Variants in SLC4A4 observed in about 807,000 individuals in gnomAD.
SLC4A4 encodes solute carrier family 4 member 4.
SLC4A4 carries 27 observed loss-of-function variants against 111.5 expected under a neutral mutation model. The observed-to-expected ratio is 0.24, with a 90% CI of 0.18 to 0.33. The LOEUF (loss-of-function observed/expected upper bound fraction) is 0.33, where lower values mean the gene tolerates loss of function less well. SLC4A4 is among the 10% of genes least tolerant of loss of function. The pLI, the probability that SLC4A4 is intolerant of heterozygous loss-of-function variation, is 1.00. For missense variants in SLC4A4, 909 were observed against 1,315.5 expected (o/e 0.69, Z 4.78); for synonymous variants, 443 against 463.4 (o/e 0.96, Z 0.57).
intron 18 of SLC4A4, among the ~76,000 whole-genome samples, chr4:71,536,457 C>CATACATATATATATAT (rs1553928530): frequency 9.6e-5 from 3 of 31,406 alleles, no homozygotes; most frequent in Non-Finnish European, 1.9e-4. Flanking sequence ...TACATATATA[C>CATACATATATATATAT]ATATATACAT....
At chr4:71,267,791 C>CAAAAAAAAAAAAAAA (rs71212002) in intron 3 of SLC4A4, among the ~76,000 whole-genome samples, 8 of 62,360 alleles carry the variant, frequency 1.3e-4, no homozygotes, top group Admixed American at 8.4e-4. Flanking sequence ...GAGAGTCTGC[C>CAAAAAAAAAAAAAAA]AAAAAAAAAA....
intron 2 of SLC4A4, among the ~76,000 whole-genome samples, chr4:71,175,724 C>T (rs976125003): frequency 4.6e-5 from 7 of 152,072 alleles, no homozygotes; most frequent in Non-Finnish European, 8.8e-5. Context: ...AGGAGGCCTG[C>T]CTGCCTCTGT....
At chr4:71,313,473 A>T (rs1012754853) in intron 3 of SLC4A4, among the ~76,000 whole-genome samples, 10 of 152,302 alleles carry the variant, frequency 6.6e-5, no homozygotes, top group Admixed American at 6.5e-4. Flanking sequence ...AGCCAAGACA[A>T]TCCCAAGCAA....
At chr4:71,092,714 A>G (rs1250677477) in intron 1 of SLC4A4, among the ~76,000 whole-genome samples, 1 of 152,160 alleles carries the variant, frequency 6.6e-6, no homozygotes, top group African/African-American at 2.4e-5. Context: ...AGTAATTGTT[A>G]TTTTTCTTTT....
At chr4:71,346,376 G>C (rs1396984552) in intron 4 of SLC4A4, among the ~76,000 whole-genome samples, 1 of 152,030 alleles carries the variant, frequency 6.6e-6, no homozygotes, top group Non-Finnish European at 1.5e-5. Flanking sequence ...CAAAAAGAAA[G>C]TGGGAAACTT....
chr4:71,191,569 TAAAA>T (rs1745734420), intron 1 of SLC4A4, among the ~76,000 whole-genome samples: 1 of 152,240 alleles, frequency 6.6e-6, no homozygotes, highest in African/African-American at 2.4e-5. Flanking sequence ...CTAAAGCAGA[TAAAA>T]GTTTATCCTG....
intron 2 of SLC4A4, 126 bp from the exon 3 acceptor site, chr4:71,255,093 GT>G (rs1201278746): frequency 2.1e-6 from 2 of 966,406 alleles, no homozygotes; most frequent in Admixed American, 3.6e-5. Context: ...TTTTTCTAGA[GT>G]TTGCCAAATA....
chr4:71,394,425 G>A (rs1395284768), intron 6 of SLC4A4, among the ~76,000 whole-genome samples: 1 of 152,070 alleles, frequency 6.6e-6, no homozygotes, highest in East Asian at 1.9e-4. Flanking sequence ...AATGATCAGG[G>A]AAATGCAAAT....
At chr4:71,070,148 G>A (rs1279567023) in intron 1 of SLC4A4, among the ~76,000 whole-genome samples, 1 of 152,196 alleles carries the variant, frequency 6.6e-6, no homozygotes, top group Non-Finnish European at 1.5e-5. Flanking sequence ...TTTGTTGACT[G>A]ACTGAATGAA....
intron 8 of SLC4A4, among the ~76,000 whole-genome samples, chr4:71,442,005 A>G (rs1724764503): frequency 6.6e-6 from 1 of 152,166 alleles, no homozygotes; most frequent in Non-Finnish European, 1.5e-5. Context: ...GACTCAGATA[A>G]TGGCTGGAGT....
chr4:71,525,275 A>G (rs1011872879), intron 16 of SLC4A4, among the ~76,000 whole-genome samples: 3 of 152,138 alleles, frequency 2.0e-5, no homozygotes, highest in African/African-American at 7.2e-5. Context: ...TATTAGATTA[A>G]TTGAGATACT....
rs1215555941 is a variant in SLC4A4, at chr4:71,377,557, T to C, written c.731-20020T>C. 2.6e-5 allele frequency among the ~76,000 whole-genome samples: 4 copies of C among 152,266 alleles called. No individual in the cohort carries two copies. The East Asian group carries it at 7.7e-4, about 29-fold the overall frequency. ...AAGAATGGGCTAGATTTTGCTATAG[T>C]GTGAGCTAGCCCCAAACATCTGTGT... On this transcript the variant is annotated intron_variant, in intron 6 of 25. Coordinates refer to ENST00000264485, the MANE Select transcript of SLC4A4 (RefSeq NM_001098484.3).
chr4:71,391,091 A>T (rs1286047106), intron 6 of SLC4A4, among the ~76,000 whole-genome samples: 1 of 152,082 alleles, frequency 6.6e-6, no homozygotes, highest in Non-Finnish European at 1.5e-5. Flanking sequence ...GAAAACATTA[A>T]CATACATTAT....
At chr4:71,416,602 A>C (rs1187508751) in intron 7 of SLC4A4, among the ~76,000 whole-genome samples, 2 of 152,194 alleles carry the variant, frequency 1.3e-5, no homozygotes, top group Non-Finnish European at 1.5e-5. Context: ...TAACTTACTT[A>C]TAGAAATGTG....
In SLC4A4 at chr4:71,478,269, C is replaced by A. The variant is rs549517776; in HGVS notation, c.1903+5299C>A. ...AGCAATCCCGTGACTGGGTATATAC[C>A]CAAAGGATTATAAATCGTTCTGTAA... is the stretch of plus-strand genomic sequence containing the variant. On this transcript the variant is annotated intron_variant, in intron 14 of 25. Coordinates refer to ENST00000264485, the MANE Select transcript of SLC4A4 (RefSeq NM_001098484.3). 4.6e-5 allele frequency among the ~76,000 whole-genome samples: 7 copies of A among 151,908 alleles called. No individual in the cohort carries two copies. The South Asian group carries it at 1.5e-3, about 32-fold the overall frequency.
intron 2 of SLC4A4, among the ~76,000 whole-genome samples, chr4:71,122,540 C>T (rs530687554): frequency 6.6e-6 from 1 of 151,880 alleles, no homozygotes; most frequent in South Asian, 2.1e-4. Flanking sequence ...TTGATTTGAC[C>T]CCACAGAACT....
intron 16 of SLC4A4, among the ~76,000 whole-genome samples, chr4:71,519,810 T>G (rs1440006686): frequency 6.6e-6 from 1 of 152,000 alleles, no homozygotes; most frequent in Non-Finnish European, 1.5e-5. Context: ...TATTTTGTAT[T>G]TTTTTGTTGT....
chr4:71,243,439 T>G (rs1720403894), intron 2 of SLC4A4, among the ~76,000 whole-genome samples: 1 of 152,208 alleles, frequency 6.6e-6, no homozygotes, highest in Non-Finnish European at 1.5e-5. Context: ...TTGGGCCTGA[T>G]GAGAATGAGT....
At chr4:71,170,440 C>T (rs1744903323) in intron 2 of SLC4A4, among the ~76,000 whole-genome samples, 1 of 152,106 alleles carries the variant, frequency 6.6e-6, no homozygotes, top group African/African-American at 2.4e-5. Context: ...TTTACTCAAG[C>T]CAATAGCTGA....
Sources: gnomAD v4.1 joint callset for allele counts (sites outside exome capture counted in the v4.1 genomes callset) on GRCh38, gnomAD v4.1.1 for gene constraint, MANE v1.5 for transcripts, NCBI Gene and HGNC (gene_info 2026-07-23, HGNC 2026-07-21) for gene names.